Variants in HERC2 observed in about 807,000 individuals in gnomAD.
The protein encoded by HERC2 is HECT and RLD domain containing E3 ubiquitin protein ligase 2.
Under a neutral mutation model 537.7 loss-of-function variants are expected in HERC2, and 102 were observed. That is an observed-to-expected ratio of 0.19 (90% CI 0.16 to 0.22). The LOEUF (loss-of-function observed/expected upper bound fraction) is 0.22. Ranked by LOEUF, HERC2 falls within the 10% of genes least tolerant of loss-of-function variation. The pLI is 1.00. For missense variants in HERC2, 4,236 were observed against 6,198.2 expected, an observed-to-expected ratio of 0.68 and a Z score of 10.63; for synonymous variants, 2,224 against 2,466.2, an observed-to-expected ratio of 0.90 and a Z score of 2.91.
At chr15:28,248,780 C>A (rs1272702759) in intron 20 of HERC2, 44 bp from the exon 21 acceptor site, 1 of 1,499,708 alleles carries the variant, frequency 6.7e-7, no homozygotes. Context: ...CAAGATATTT[C>A]TACTAAAAAG....
chr15:28,116,037 G>A (rs1210560869), intron 88 of HERC2, among the ~76,000 whole-genome samples: 3 of 152,028 alleles, frequency 2.0e-5, no homozygotes, highest in African/African-American at 4.8e-5. Flanking sequence ...CTGAGTACCC[G>A]AGGCAGTCTC....
chr15:28,315,379 G>C (rs1451494080), intron 2 of HERC2, among the ~76,000 whole-genome samples: 1 of 152,264 alleles, frequency 6.6e-6, no homozygotes, highest in Non-Finnish European at 1.5e-5. Context: ...GAGCCGAAGG[G>C]CGGCTCACAG....
intron 4 of HERC2, among the ~76,000 whole-genome samples, chr15:28,281,428 G>C (rs2076017233): frequency 6.6e-6 from 1 of 152,162 alleles, no homozygotes; most frequent in Non-Finnish European, 1.5e-5. Flanking sequence ...TACTAGCCTG[G>C]AGGCCAGCAG....
intron 23 of HERC2, among the ~76,000 whole-genome samples, chr15:28,242,627 A>C (rs1903243067): frequency 6.6e-6 from 1 of 152,256 alleles, no homozygotes; most frequent in Non-Finnish European, 1.5e-5. Context: ...TGAGATGCAA[A>C]ATCTAGAAAA....
rs775910406 is a variant in HERC2 at position 28,256,253 on chromosome 15, A to C, written c.2582T>G (p.Leu861Arg). ...CACCGTCTGCTTCAGGCTGTTCAGGAGGATGCTGCCCAGACCTAAACCAAG... is the reference window on the plus strand; with the variant it reads ...CACCGTCTGCTTCAGGCTGTTCAGGCGGATGCTGCCCAGACCTAAACCAAG... ...EFLGLGLGSI[L>R]LNSLKQTVVT... Residue 861 changes from leucine (L) to arginine (R), a missense_variant, in exon 18 of 93, where the codon CTC (leucine) becomes CGC (arginine). By Grantham distance (102) the Leu-to-Arg change is moderately radical. Around this residue, in one of 27 missense-constraint regions of HERC2, gnomAD observed 754 missense variants for 1,085.0 expected, o/e 0.69. Transcript: ENST00000261609. 1.3e-6 allele frequency: 2 copies of C among 1,598,522 alleles called. No homozygotes were observed. Among genetic ancestry groups the C allele is most frequent in the East Asian group, 4.5e-5 (2 of 44,882 alleles).
Position 28,141,605 on chromosome 15 carries a change from CAG to C in HERC2, c.11840_11841del (p.Ser3947CysfsTer13), listed in dbSNP as rs1390318848. 2.5e-6 allele frequency: 4 copies of C among 1,614,060 alleles called. No homozygotes were observed. Among genetic ancestry groups the C allele is most frequent in the Non-Finnish European group, 3.4e-6 (4 of 1,180,044 alleles). ...CCATAAATTGTTCCACTGCCACCAG[CAG>C]AGAGAGTCCAGTCATCTGGTCGCCT... ...MNRRPDDWTL[S>X]AGGSGTIYGW... On this transcript the variant is annotated frameshift_variant, in exon 78 of 93. Coordinates refer to ENST00000261609, the MANE Select transcript of HERC2 (RefSeq NM_004667.6). LOFTEE classifies it high-confidence loss of function.
In HERC2 at chr15:28,111,907, G is replaced by C. The variant is rs775998969; in HGVS notation, c.14361C>G (p.Phe4787Leu). 4 of 1,614,104 alleles carry C rather than the reference G, an allele frequency of 2.5e-6. No individual in the cohort carries two copies. The highest frequency in any genetic ancestry group is 3.4e-6 in the Non-Finnish European group (4 of 1,180,058). The change falls in exon 93 of 93, where the codon TTC becomes TTG. Residue 4787 changes from phenylalanine to leucine, a missense_variant. Physicochemically the swap from Phe to Leu is conservative, Grantham distance 22 (BLOSUM62 0). This residue lies in a region of HERC2 where 313 missense variants were observed against 462.6 expected (regional missense o/e 0.68). Transcript: ENST00000261609. Reference sequence around the variant, plus strand: ...AGTCATCTGTGTCTATGGACTTGCAGAAGTGGATGGCGTACTTGAGCTTCT... The same window carrying C: ...AGTCATCTGTGTCTATGGACTTGCACAAGTGGATGGCGTACTTGAGCTTCT... Reference protein sequence around the residue: ...LEEKLKYAIHFCKSIDTDDYA... With the variant: ...LEEKLKYAIHLCKSIDTDDYA...
chr15:28,264,666 A>T (rs375127960), intron 14 of HERC2, among the ~76,000 whole-genome samples: 148 of 152,342 alleles, frequency 9.7e-4, no homozygotes, highest in African/African-American at 3.4e-3. Flanking sequence ...CGCAAACTTT[A>T]ACTAAAGTAG....
chr15:28,254,825 C>A (rs1053564109), intron 19 of HERC2, among the ~76,000 whole-genome samples: 8 of 152,290 alleles, frequency 5.3e-5, no homozygotes, highest in Admixed American at 5.2e-4. Context: ...TGTGATGTGC[C>A]CCACACATGC....
At chr15:28,117,216 G>A (rs781127436) in intron 86 of HERC2, 62 bp from the exon 87 acceptor site, 4 of 1,529,830 alleles carry the variant, frequency 2.6e-6, no homozygotes, top group Non-Finnish European at 3.6e-6. Flanking sequence ...CACAGTCGGG[G>A]ATATGCGGCA....
At chr15:28,163,048 C>T in intron 69 of HERC2, 46 bp downstream of exon 69, 1 of 1,518,574 alleles carries the variant, frequency 6.6e-7, no homozygotes, top group Non-Finnish European at 9.0e-7. Flanking sequence ...GGTGGCCCAA[C>T]ATGGAGGAGG....
chr15:28,280,285 C>A lies in HERC2; in HGVS notation c.325G>T (p.Val109Leu). 1 of 1,603,426 alleles carries A rather than the reference C, an allele frequency of 6.2e-7. No individual in the cohort carries two copies. The highest frequency in any genetic ancestry group is 1.1e-5 in the South Asian group (1 of 88,982). ...GAAAGACACTCCTTCAGTTCATTCA[C>A]ATCTAGAAAATAAGACAAGAAAACA... is the stretch of plus-strand genomic sequence containing the variant. ...DSWVWGKQPD[V>L]NELKECLSVL... Residue 109 changes from valine (V) to leucine (L), a missense_variant and splice_region_variant, in exon 5 of 93, where the codon GTG becomes TTG. By Grantham distance (32) the Val-to-Leu change is conservative (BLOSUM62 1). Around this residue, in one of 27 missense-constraint regions of HERC2, gnomAD observed 491 missense variants for 559.3 expected, o/e 0.88. Coordinates refer to ENST00000261609, the MANE Select transcript of HERC2 (RefSeq NM_004667.6).
Position 28,248,533 on chromosome 15 carries a change from C to G in HERC2, c.3235+19G>C. 6.2e-7 allele frequency: 1 copy of G among 1,601,464 alleles called. No homozygotes were observed. The highest frequency in any genetic ancestry group is 8.6e-7 in the Non-Finnish European group (1 of 1,169,260). ...GCCCCGATCACATACAAGACACTTT[C>G]ACATTTTAAGCAACTTACTAGAAAT... On this transcript the variant is annotated intron_variant, in intron 21 of 92. Transcript: ENST00000261609.
chr15:28,296,725 C>A (rs961166749), intron 3 of HERC2, among the ~76,000 whole-genome samples: 1 of 144,726 alleles, frequency 6.9e-6, no homozygotes, highest in Non-Finnish European at 1.5e-5. Flanking sequence ...TGATTCCTGT[C>A]TTGGAAGACA....
intron 3 of HERC2, among the ~76,000 whole-genome samples, chr15:28,295,385 C>T (rs112029462): frequency 6.6e-6 from 1 of 151,902 alleles, no homozygotes; most frequent in African/African-American, 2.4e-5. Flanking sequence ...CCCACAGCCT[C>T]TTTGTGTATG....
At position 28,214,366 on chromosome 15, in the gene HERC2, G is replaced by A. The variant is rs1329713607; in HGVS notation, c.6359-94C>T. 8.1e-6 allele frequency: 9 copies of A among 1,112,538 alleles called. 1 individual carries two copies. The highest frequency in any genetic ancestry group is 7.6e-5 in the South Asian group (6 of 78,864). The allele number at this position is 1,112,538 out of a possible 1,614,324, so 68.9% of individuals were successfully genotyped here. On this transcript the variant is annotated intron_variant, in intron 40 of 92. Coordinates refer to ENST00000261609, the MANE Select transcript of HERC2 (RefSeq NM_004667.6). ...ACCCACCTCTAAGTGACGGCACTGC[G>A]CCGCTCTTCACCAGGGCACAGGGAA...
intron 70 of HERC2, among the ~76,000 whole-genome samples, chr15:28,149,835 G>A (rs1357058991): frequency 4.7e-5 from 7 of 148,446 alleles, no homozygotes; most frequent in Admixed American, 3.4e-4. Flanking sequence ...GAACATCGCC[G>A]AGAACAGCCA....
chr15:28,287,597 C>A (rs1342302022), intron 4 of HERC2, among the ~76,000 whole-genome samples: 1 of 152,068 alleles, frequency 6.6e-6, no homozygotes, highest in Non-Finnish European at 1.5e-5. Context: ...AACATTTGTG[C>A]CAGGCACTGA....
At chr15:28,218,144 G>A (rs1900130125) in intron 38 of HERC2, among the ~76,000 whole-genome samples, 3 of 151,062 alleles carry the variant, frequency 2.0e-5, no homozygotes, top group Non-Finnish European at 4.4e-5. Flanking sequence ...ATTTGGAGGC[G>A]ACTCACACAC....
Sources: gnomAD v4.1 joint callset for allele counts (sites outside exome capture counted in the v4.1 genomes callset) on GRCh38, gnomAD v4.1.1 for gene constraint, gnomAD v4.1.1 regional missense constraint, MANE v1.5 for transcripts, NCBI Gene and HGNC (gene_info 2026-07-23, HGNC 2026-07-21) for gene names.